The following FRMD5 variants were observed in gnomAD, a reference collection of about 807,000 sequenced individuals.
The protein encoded by FRMD5 is FERM domain-containing protein 5.
A neutral mutation model predicts 69.0 loss-of-function variants in FRMD5; 20 were observed. That is an observed-to-expected ratio of 0.29 (90% CI 0.20 to 0.42). The LOEUF (loss-of-function observed/expected upper bound fraction) is 0.42. Ranked by LOEUF, FRMD5 falls within the 10% of genes least tolerant of loss-of-function variation. The pLI is 1.00. For missense variants in FRMD5, 595 were observed against 708.6 expected, an observed-to-expected ratio of 0.84 and a Z score of 1.82; for synonymous variants, 271 against 260.1, an observed-to-expected ratio of 1.04 and a Z score of -0.40.
At chr15:44,037,060 A>G (rs906541606) in intron 1 of FRMD5, among the ~76,000 whole-genome samples, 19 of 152,082 alleles carry the variant, frequency 1.2e-4, no homozygotes, top group African/African-American at 4.6e-4. Flanking sequence ...ATAGGTATGC[A>G]TGTGCCACGG....
intron 2 of FRMD5, among the ~76,000 whole-genome samples, chr15:43,923,073 A>C (rs2089524585): frequency 6.6e-6 from 1 of 152,196 alleles, no homozygotes; most frequent in South Asian, 2.1e-4. Context: ...ACAAAGAGCA[A>C]AGGGTAGATG....
chr15:43,997,558 CTGTCTCCTTGCCTGT>C (rs1236313570), intron 1 of FRMD5, among the ~76,000 whole-genome samples: 1 of 152,184 alleles, frequency 6.6e-6, no homozygotes, highest in South Asian at 2.1e-4. Context: ...ATAGGAGAAA[CTGTCTCCTTGCCTGT>C]TGTCTCCTTG....
chr15:43,956,641 A>G (rs2090120168), intron 1 of FRMD5, among the ~76,000 whole-genome samples: 1 of 152,242 alleles, frequency 6.6e-6, no homozygotes, highest in South Asian at 2.1e-4. Context: ...TCTAAAATGT[A>G]ATTGCCTATA....
intron 1 of FRMD5, among the ~76,000 whole-genome samples, chr15:43,950,442 C>T (rs568863224): frequency 6.6e-6 from 1 of 152,312 alleles, no homozygotes; most frequent in Admixed American, 6.5e-5. Context: ...AGACTGAAAG[C>T]TGATGACAAG....
In FRMD5 at chr15:44,029,581, A is replaced by G. The variant is rs553793596; in HGVS notation, c.103-105272T>C. On this transcript the variant is annotated intron_variant, in intron 1 of 13. Coordinates refer to ENST00000417257, the MANE Select transcript of FRMD5 (RefSeq NM_032892.5). ...GAGAAAATATGGTAACTAAAATACA[A>G]GCTTATACAGGATTGAGGTGGAGAC... 2.2e-3 allele frequency among the ~76,000 whole-genome samples: 338 copies of G among 152,364 alleles called. 1 individual carries two copies. Among genetic ancestry groups the G allele is most frequent in the African/African-American group, 7.7e-3 (321 of 41,598 alleles).
chr15:43,900,080 T>A (rs1001164732), intron 7 of FRMD5, among the ~76,000 whole-genome samples: 11 of 152,106 alleles, frequency 7.2e-5, no homozygotes, highest in Non-Finnish European at 2.9e-5. Flanking sequence ...CCCTTTCTGA[T>A]GAACATATCT....
chr15:43,898,666 T>C (rs2088972594), intron 7 of FRMD5, among the ~76,000 whole-genome samples: 1 of 152,106 alleles, frequency 6.6e-6, no homozygotes, highest in African/African-American at 2.4e-5. Flanking sequence ...GCTCCTGAAG[T>C]TGGAGTGCTG....
intron 6 of FRMD5, among the ~76,000 whole-genome samples, chr15:43,905,418 T>TA (rs1331383966): frequency 6.6e-6 from 1 of 152,198 alleles, no homozygotes; most frequent in Non-Finnish European, 1.5e-5. Context: ...ATTACAGCCG[T>TA]AAGCCACCGC....
At chr15:43,924,765 C>A (rs980584055) in intron 1 of FRMD5, among the ~76,000 whole-genome samples, 1 of 152,180 alleles carries the variant, frequency 6.6e-6, no homozygotes, top group Non-Finnish European at 1.5e-5. Context: ...ACTGCCAGAG[C>A]CTTCTAACTG....
chr15:44,024,508 T>G (rs1891348511), intron 1 of FRMD5, among the ~76,000 whole-genome samples: 1 of 152,214 alleles, frequency 6.6e-6, no homozygotes, highest in African/African-American at 2.4e-5. Flanking sequence ...TGAAATGGTA[T>G]CTCATCTTTT....
intron 1 of FRMD5, among the ~76,000 whole-genome samples, chr15:43,950,319 C>T (rs1192560342): frequency 6.6e-6 from 1 of 152,170 alleles, no homozygotes; most frequent in Admixed American, 6.5e-5. Flanking sequence ...ATCCTAAATT[C>T]AATCCTATTT....
At chr15:44,066,380 T>C (rs1242365893) in intron 1 of FRMD5, among the ~76,000 whole-genome samples, 2 of 151,844 alleles carry the variant, frequency 1.3e-5, no homozygotes, top group South Asian at 4.2e-4. Context: ...ACACAGTCGT[T>C]TACGATGTGA....
chr15:44,066,995 G>A (rs889030167), intron 1 of FRMD5, among the ~76,000 whole-genome samples: 3 of 152,060 alleles, frequency 2.0e-5, no homozygotes, highest in Non-Finnish European at 1.5e-5. Flanking sequence ...GATGCTAGTG[G>A]GGAGAAAAAG....
Position 43,891,976 on chromosome 15 carries a change from C to T in FRMD5, c.728+5G>A, listed in dbSNP as rs1299589407. 1.2e-6 allele frequency: 2 copies of T among 1,611,858 alleles called. No individual in the cohort carries two copies. Among genetic ancestry groups the T allele is most frequent in the Non-Finnish European group, 1.7e-6 (2 of 1,178,054 alleles). ...AGAGCCTATTTTGGAAATGAAGATG[C>T]TCACCATTTAATGAAGTGGACCCTC... On this transcript the variant is annotated splice_donor_5th_base_variant and intron_variant, in intron 8 of 13. Transcript: ENST00000417257.
At chr15:44,108,319 G>A (rs963952391) in intron 1 of FRMD5, among the ~76,000 whole-genome samples, 1 of 152,094 alleles carries the variant, frequency 6.6e-6, no homozygotes, top group African/African-American at 2.4e-5. Context: ...TCCAAAGCCA[G>A]AGACTCTGAG....
At chr15:44,027,531 T>C (rs1891480693) in intron 1 of FRMD5, among the ~76,000 whole-genome samples, 1 of 152,206 alleles carries the variant, frequency 6.6e-6, no homozygotes, top group East Asian at 1.9e-4. Context: ...TACATGACTC[T>C]TATTCTGCGA....
intron 1 of FRMD5, among the ~76,000 whole-genome samples, chr15:44,177,284 T>C (rs921446229): frequency 9.8e-5 from 15 of 152,334 alleles, no homozygotes; most frequent in Admixed American, 2.6e-4. Context: ...TAAATGTTCA[T>C]AGCATTATCC....
chr15:43,944,800 A>G (rs1192530961), intron 1 of FRMD5, among the ~76,000 whole-genome samples: 1 of 152,026 alleles, frequency 6.6e-6, no homozygotes, highest in Non-Finnish European at 1.5e-5. Flanking sequence ...TCAGTCAGAT[A>G]TTTGGGCAGG....
intron 1 of FRMD5, among the ~76,000 whole-genome samples, chr15:44,186,207 G>A (rs1006834939): frequency 6.6e-6 from 1 of 152,132 alleles, no homozygotes; most frequent in African/African-American, 2.4e-5. Context: ...GATTACAGGC[G>A]TGAGCCACCG....
Sources: gnomAD v4.1 joint callset for allele counts (sites outside exome capture counted in the v4.1 genomes callset) on GRCh38, gnomAD v4.1.1 for gene constraint, MANE v1.5 for transcripts, NCBI Gene and HGNC (gene_info 2026-07-23, HGNC 2026-07-21) for gene names.